The following SESTD1 variants were observed in gnomAD, a reference collection of about 807,000 sequenced individuals.
SESTD1 encodes the protein SEC14 domain and spectrin repeat-containing protein 1.
A neutral mutation model predicts 101.7 loss-of-function variants in SESTD1; 43 were observed. That is an observed-to-expected ratio of 0.42 (90% CI 0.33 to 0.55). The LOEUF (loss-of-function observed/expected upper bound fraction) is 0.55. Ranked by LOEUF, SESTD1 falls within the 20% of genes least tolerant of loss-of-function variation. The pLI is 0.07. For synonymous variants in SESTD1, 283 were observed against 286.8 expected, an observed-to-expected ratio of 0.99 and a Z score of 0.13; for missense variants, 647 against 815.1, an observed-to-expected ratio of 0.79 and a Z score of 2.51.
chr2:179,260,434 T>G (rs1013031462), intron 1 of SESTD1, among the ~76,000 whole-genome samples: 1 of 152,096 alleles, frequency 6.6e-6, no homozygotes, highest in Non-Finnish European at 1.5e-5. Flanking sequence ...GTGAATGACT[T>G]GAGCCCAGGC....
chr2:179,158,561 T>C (rs1033967138), intron 5 of SESTD1, among the ~76,000 whole-genome samples: 2 of 152,198 alleles, frequency 1.3e-5, no homozygotes, highest in Admixed American at 1.3e-4. Context: ...CCTTCTTTTA[T>C]GACATAACAC....
chr2:179,164,883 T>TA (rs1170021590), intron 5 of SESTD1, among the ~76,000 whole-genome samples: 4 of 152,166 alleles, frequency 2.6e-5, no homozygotes, highest in Non-Finnish European at 5.9e-5. Flanking sequence ...AATTTTAAGG[T>TA]AAAACATACA....
At chr2:179,263,433 T>C (rs774366090) in intron 1 of SESTD1, among the ~76,000 whole-genome samples, 6 of 152,170 alleles carry the variant, frequency 3.9e-5, no homozygotes, top group Non-Finnish European at 8.8e-5. Context: ...AGAAAAAGTA[T>C]ATAGATATAT....
At chr2:179,194,862 C>T (rs532218573) in intron 1 of SESTD1, among the ~76,000 whole-genome samples, 2 of 152,330 alleles carry the variant, frequency 1.3e-5, no homozygotes, top group South Asian at 4.2e-4. Context: ...GAAGACCTCA[C>T]TGTCATAGCT....
At chr2:179,177,864 A>AT (rs2046038181) in intron 3 of SESTD1, among the ~76,000 whole-genome samples, 1 of 152,252 alleles carries the variant, frequency 6.6e-6, no homozygotes, top group Non-Finnish European at 1.5e-5. Flanking sequence ...TTATTCAGCC[A>AT]TAAAAAAAGA....
intron 1 of SESTD1, among the ~76,000 whole-genome samples, chr2:179,249,139 C>A (rs1335483559): frequency 6.9e-6 from 1 of 144,112 alleles, no homozygotes; most frequent in Non-Finnish European, 1.5e-5. Flanking sequence ...CTACTTTCAC[C>A]AATCTTTTCA....
intron 1 of SESTD1, among the ~76,000 whole-genome samples, chr2:179,214,342 T>C (rs2046690534): frequency 7.5e-6 from 1 of 133,880 alleles, no homozygotes; most frequent in Admixed American, 7.2e-5. Context: ...TAGTCTCTGA[T>C]AAAACAGACT....
chr2:179,239,256 G>A (rs953038885), intron 1 of SESTD1, among the ~76,000 whole-genome samples: 1 of 152,060 alleles, frequency 6.6e-6, no homozygotes, highest in Non-Finnish European at 1.5e-5. Flanking sequence ...ATCTTTGAGA[G>A]AATAATCCTG....
At chr2:179,207,802 T>C (rs1481600071) in intron 1 of SESTD1, among the ~76,000 whole-genome samples, 1 of 133,874 alleles carries the variant, frequency 7.5e-6, no homozygotes, top group African/African-American at 3.0e-5. Context: ...TCTGGTAACA[T>C]GACAAAATGA....
chr2:179,185,779 A>T (rs1160864507), intron 2 of SESTD1, among the ~76,000 whole-genome samples: 4 of 117,162 alleles, frequency 3.4e-5, no homozygotes, highest in Admixed American at 1.0e-4. Context: ...TAGCATATAC[A>T]ATATAGTATA....
intron 5 of SESTD1, among the ~76,000 whole-genome samples, chr2:179,156,832 C>T (rs1039565193): frequency 3.3e-5 from 5 of 152,106 alleles, no homozygotes; most frequent in Non-Finnish European, 5.9e-5. Context: ...TTCATTAGGT[C>T]CCAGCTATTT....
Position 179,151,261 on chromosome 2 carries a change from C to A in SESTD1, c.483+17G>T. The A allele has an allele frequency of 6.8e-7, 1 of 1,469,988 alleles. No individual in the cohort carries two copies. Among genetic ancestry groups the A allele is most frequent in the Non-Finnish European group, 9.2e-7 (1 of 1,081,766 alleles). The allele number at this position is 1,469,988 out of a possible 1,614,324, so 91.1% of individuals were successfully genotyped here. A position where few individuals can be genotyped will look rare whatever the true frequency, so the allele number is the denominator to read the frequency against. On this transcript the variant is annotated intron_variant, in intron 6 of 17. Coordinates refer to ENST00000428443, the MANE Select transcript of SESTD1 (RefSeq NM_178123.5). ...ATTTCTATGCAATAACATTTTATCTCATTGTAATATACCAACCAGCCTCTT... is the reference window on the plus strand; with the variant it reads ...ATTTCTATGCAATAACATTTTATCTAATTGTAATATACCAACCAGCCTCTT...
intron 5 of SESTD1, among the ~76,000 whole-genome samples, chr2:179,162,326 A>G (rs1264970169): frequency 6.6e-6 from 1 of 152,166 alleles, no homozygotes; most frequent in African/African-American, 2.4e-5. Context: ...CTCTGGAACA[A>G]TTTACAAAAT....
At chr2:179,166,068 C>T (rs566486926) in intron 5 of SESTD1, among the ~76,000 whole-genome samples, 2 of 152,266 alleles carry the variant, frequency 1.3e-5, no homozygotes, top group South Asian at 4.1e-4. Flanking sequence ...AAATGCCAGA[C>T]CTGATGCCAG....
chr2:179,185,734 A>ATAGCATATTAT (rs1559134349), intron 2 of SESTD1, among the ~76,000 whole-genome samples: 1 of 55,158 alleles, frequency 1.8e-5, no homozygotes, highest in Non-Finnish European at 3.1e-5. Flanking sequence ...TATTATATAT[A>ATAGCATATTAT]ATATAATATA....
In SESTD1 at chr2:179,106,502, G is replaced by A. The variant is rs532898154; in HGVS notation, c.*3397C>T. The A allele has an allele frequency of 1.1e-4, 16 of 152,264 alleles. No homozygotes were observed. Among genetic ancestry groups the A allele is most frequent in the African/African-American group, 2.9e-4 (12 of 41,560 alleles). 9.4% of individuals were successfully genotyped at this position (152,264 alleles called of 1,614,324 possible). ...TTGGTAACAATGGGTTTAGATCAGA[G>A]TATGGTTTACTCATCACTGTTAGTA... On this transcript the variant is annotated 3_prime_UTR_variant, in exon 18 of 18. Transcript: ENST00000428443.
chr2:179,208,776 T>C (rs1301962623), intron 1 of SESTD1, among the ~76,000 whole-genome samples: 2 of 135,076 alleles, frequency 1.5e-5, no homozygotes, highest in Admixed American at 7.2e-5. Context: ...CCTTAAAGCA[T>C]TCATCTCACA....
chr2:179,151,214 T>TA, intron 6 of SESTD1, 64 bp downstream of exon 6: 1 of 1,148,564 alleles, frequency 8.7e-7, no homozygotes. Context: ...ACTAAAATGA[T>TA]AAAGTTATCA....
intron 5 of SESTD1, among the ~76,000 whole-genome samples, chr2:179,162,986 G>A (rs1203992138): frequency 4.2e-5 from 6 of 143,986 alleles, no homozygotes; most frequent in Admixed American, 7.0e-5. Flanking sequence ...GCAAGACTCC[G>A]TCTCAAAAAA....
Sources: gnomAD v4.1 joint callset for allele counts (sites outside exome capture counted in the v4.1 genomes callset) on GRCh38, gnomAD v4.1.1 for gene constraint, MANE v1.5 for transcripts, NCBI Gene and HGNC (gene_info 2026-07-23, HGNC 2026-07-21) for gene names.